The following USP47 variants were observed in gnomAD, a reference collection of about 807,000 sequenced individuals.
USP47 encodes ubiquitin specific peptidase 47.
In USP47, 35 loss-of-function variants were observed where a neutral mutation model predicts 165.1. The observed-to-expected ratio is 0.21, with a 90% CI of 0.16 to 0.28. USP47 has a LOEUF of 0.28. Ranked by LOEUF, USP47 falls within the 10% of genes least tolerant of loss-of-function variation. The probability of loss-of-function intolerance (pLI) is 1.00; values close to 1 mark genes in which losing one functional copy is unlikely to be tolerated. For synonymous variants in USP47, 531 were observed against 544.5 expected, an observed-to-expected ratio of 0.98 and a Z score of 0.35; for missense variants, 1,277 against 1,607.4, an observed-to-expected ratio of 0.79 and a Z score of 3.52.
chr11:11,856,157 G>C (rs1236617173), intron 1 of USP47, among the ~76,000 whole-genome samples: 1 of 152,180 alleles, frequency 6.6e-6, no homozygotes, highest in Non-Finnish European at 1.5e-5. Context: ...CAAAGGCTTT[G>C]TGTGCCCAGA....
At chr11:11,849,335 T>C (rs887464019) in intron 1 of USP47, among the ~76,000 whole-genome samples, 4 of 152,224 alleles carry the variant, frequency 2.6e-5, no homozygotes, top group African/African-American at 7.2e-5. Flanking sequence ...TGGTTATCAA[T>C]TGGGGCCCAT....
At chr11:11,918,697 T>G (rs1470280891) in intron 8 of USP47, among the ~76,000 whole-genome samples, 1 of 152,022 alleles carries the variant, frequency 6.6e-6, no homozygotes, top group Non-Finnish European at 1.5e-5. Context: ...AGTTTTAATT[T>G]TTTTTAAAGA....
intron 1 of USP47, among the ~76,000 whole-genome samples, chr11:11,878,946 A>T (rs574151964): frequency 6.6e-6 from 1 of 152,318 alleles, no homozygotes. Flanking sequence ...TGATAGTGTT[A>T]TAAAAACTAA....
At chr11:11,844,920 G>C (rs1392202785) in intron 1 of USP47, among the ~76,000 whole-genome samples, 2 of 152,132 alleles carry the variant, frequency 1.3e-5, no homozygotes, top group Non-Finnish European at 1.5e-5. Context: ...GTGTAGTACA[G>C]GCATTGGCAA....
At chr11:11,902,946 T>A (rs1852321255) in intron 6 of USP47, 86 bp downstream of exon 6, 1 of 1,348,772 alleles carries the variant, frequency 7.4e-7, no homozygotes, top group African/African-American at 1.5e-5. Flanking sequence ...TACACATAAT[T>A]ACCTTTATCT....
At position 11,960,138 on chromosome 11, in the gene USP47, A is replaced by C. The variant is rs897832672; in HGVS notation, c.*3963A>C. ...TGCATTATTAAGACAATCTTATCTT[A>C]AAGTTCAGTGGTTTCATTCAAAGCT... On this transcript the variant is annotated 3_prime_UTR_variant, in exon 28 of 28. Coordinates refer to ENST00000527733, the MANE Select transcript of USP47 (RefSeq NM_001282659.2). 2.0e-5 allele frequency among the ~76,000 whole-genome samples: 3 copies of C among 152,158 alleles called. No individual in the cohort carries two copies. The highest frequency in any genetic ancestry group is 7.2e-5 in the African/African-American group (3 of 41,428).
At chr11:11,935,930 G>T (rs1855029692) in intron 16 of USP47, among the ~76,000 whole-genome samples, 1 of 151,892 alleles carries the variant, frequency 6.6e-6, no homozygotes, top group African/African-American at 2.4e-5. Context: ...AACAAAAGGT[G>T]CATATTCTAG....
intron 1 of USP47, among the ~76,000 whole-genome samples, chr11:11,858,508 A>C (rs946641230): frequency 6.6e-6 from 1 of 152,206 alleles, no homozygotes; most frequent in Non-Finnish European, 1.5e-5. Context: ...CCATCATCTC[A>C]GAAAAGTTCT....
At chr11:11,854,485 C>T (rs4457743) in intron 1 of USP47, among the ~76,000 whole-genome samples, 33,898 of 146,032 alleles carry the variant, frequency 0.23, 7,765 homozygotes, top group Non-Finnish European at 0.31. Flanking sequence ...ATGTGTCATG[C>T]ACACAATAAG....
chr11:11,955,255 T>C, intron 27 of USP47, 91 bp downstream of exon 27: 1 of 1,501,520 alleles, frequency 6.7e-7, no homozygotes, highest in Non-Finnish European at 8.9e-7. Flanking sequence ...ACTGTTTTTA[T>C]GATATGGAGC....
intron 2 of USP47, among the ~76,000 whole-genome samples, chr11:11,881,301 G>A (rs962392779): frequency 3.9e-5 from 6 of 152,094 alleles, no homozygotes; most frequent in Non-Finnish European, 1.5e-5. Context: ...TTGTTAGACA[G>A]CACTGTGCTA....
intron 1 of USP47, among the ~76,000 whole-genome samples, chr11:11,844,480 C>T (rs570696629): frequency 6.6e-6 from 1 of 152,214 alleles, no homozygotes; most frequent in African/African-American, 2.4e-5. Context: ...GGGAGTTAGG[C>T]CCAGAAGATT....
intron 21 of USP47, 98 bp from the exon 22 acceptor site, chr11:11,948,380 T>C: frequency 9.4e-7 from 1 of 1,064,394 alleles, no homozygotes; most frequent in Non-Finnish European, 1.4e-6. Context: ...TCAGAGAGCC[T>C]ATAATCTAGA....
chr11:11,954,468 A>ACCATGTGC lies in USP47; in HGVS notation c.3715-428_3715-421dup, dbSNP rs528305976. On this transcript the variant is annotated intron_variant, in intron 25 of 27. Transcript: ENST00000527733. ...GTATTTTTAGTTGAGACGGGGTTTC[A>ACCATGTGC]CCATGTGCGAGGATATTCATGGAAG... Among the ~76,000 whole-genome samples the ACCATGTGC allele has an allele frequency of 5.5e-4, 84 of 152,126 alleles. 1 individual carries two copies. The highest frequency in any genetic ancestry group is 6.8e-3 in the Middle Eastern group (2 of 294).
At chr11:11,881,290 C>T (rs1850810473) in intron 2 of USP47, among the ~76,000 whole-genome samples, 1 of 152,018 alleles carries the variant, frequency 6.6e-6, no homozygotes, top group Non-Finnish European at 1.5e-5. Context: ...TGATCAGTAC[C>T]TTGTTAGACA....
rs542671262 is a variant in USP47 at position 11,892,507 on chromosome 11, G to A, written c.496+401G>A. Among the ~76,000 whole-genome samples, 2 of 150,130 alleles carry A rather than the reference G, an allele frequency of 1.3e-5. 1 individual carries two copies. The highest frequency in any genetic ancestry group is 4.2e-4 in the South Asian group (2 of 4,738). ...ATCAATCCTCCCACCTCAGTCCCCT[G>A]AGTAGCTGGGATTATAGGTGTACTG... On this transcript the variant is annotated intron_variant, in intron 4 of 27. Coordinates refer to ENST00000527733, the MANE Select transcript of USP47 (RefSeq NM_001282659.2).
At chr11:11,889,089 A>G (rs1851351626) in intron 3 of USP47, among the ~76,000 whole-genome samples, 1 of 152,212 alleles carries the variant, frequency 6.6e-6, no homozygotes, top group Admixed American at 6.5e-5. Context: ...CCCACAGCCA[A>G]TATCAACCTG....
intron 4 of USP47, among the ~76,000 whole-genome samples, chr11:11,895,233 T>C (rs908161478): frequency 2.0e-5 from 3 of 152,202 alleles, no homozygotes; most frequent in Admixed American, 2.0e-4. Context: ...AAGTCTTTGC[T>C]ATACATTGCC....
intron 24 of USP47, 78 bp downstream of exon 24, chr11:11,950,560 A>G (rs1456158272): frequency 1.0e-6 from 1 of 977,920 alleles, no homozygotes; most frequent in Non-Finnish European, 1.5e-6. Context: ...TTTTAATCAA[A>G]TAATGAGTTA....
Sources: gnomAD v4.1 joint callset for allele counts (sites outside exome capture counted in the v4.1 genomes callset) on GRCh38, gnomAD v4.1.1 for gene constraint, MANE v1.5 for transcripts, NCBI Gene and HGNC (gene_info 2026-07-23, HGNC 2026-07-21) for gene names.